Variants in NTM observed in about 807,000 individuals in gnomAD.
NTM encodes IgLON family member 2.
In NTM, 13 loss-of-function variants were observed where a neutral mutation model predicts 42.1. The ratio of observed to expected loss-of-function variants is 0.31; its 90% CI spans 0.20 to 0.49. The LOEUF is 0.49. Ranked by LOEUF, NTM falls within the 20% of genes least tolerant of loss-of-function variation. NTM has a pLI of 0.99. For missense variants in NTM, 373 were observed against 452.8 expected (o/e 0.82, Z 1.60); for synonymous variants, 187 against 179.2 (o/e 1.04, Z -0.35).
intron 1 of NTM, among the ~76,000 whole-genome samples, chr11:131,648,258 T>C (rs191764882): frequency 2.2e-4 from 34 of 152,352 alleles, no homozygotes; most frequent in Non-Finnish European, 4.1e-4. Flanking sequence ...CAGTCCACCA[T>C]TGATTCCATG....
intron 2 of NTM, among the ~76,000 whole-genome samples, chr11:132,036,159 G>T (rs755442148): frequency 6.6e-5 from 10 of 152,120 alleles, no homozygotes; most frequent in Non-Finnish European, 1.5e-4. Flanking sequence ...TCTGCATGGC[G>T]TGTTAAATGG....
chr11:131,599,532 A>G (rs958867120), intron 1 of NTM, among the ~76,000 whole-genome samples: 2 of 152,238 alleles, frequency 1.3e-5, no homozygotes, highest in Non-Finnish European at 2.9e-5. Context: ...CAGCTGCTTT[A>G]GAGAGAAACA....
chr11:132,065,157 C>T (rs1476926810), intron 2 of NTM, among the ~76,000 whole-genome samples: 1 of 152,182 alleles, frequency 6.6e-6, no homozygotes, highest in Non-Finnish European at 1.5e-5. Context: ...GCTTTGTAAA[C>T]ATTGCATGCA....
intron 1 of NTM, among the ~76,000 whole-genome samples, chr11:131,614,588 C>T (rs542277400): frequency 2.8e-4 from 42 of 152,330 alleles, no homozygotes; most frequent in African/African-American, 9.9e-4. Flanking sequence ...CAGAGCTAGT[C>T]TGCAGCTCTT....
intron 1 of NTM, among the ~76,000 whole-genome samples, chr11:131,804,483 C>T (rs1174215802): frequency 6.6e-6 from 1 of 152,110 alleles, no homozygotes; most frequent in East Asian, 1.9e-4. Flanking sequence ...CCTGAACATC[C>T]ACACTCAGTG....
At chr11:132,026,138 T>C (rs2075141720) in intron 2 of NTM, among the ~76,000 whole-genome samples, 1 of 152,254 alleles carries the variant, frequency 6.6e-6, no homozygotes, top group Non-Finnish European at 1.5e-5. Context: ...TTATGATGAA[T>C]GCGGTGCATT....
At chr11:131,894,770 C>T (rs563154842) in intron 1 of NTM, among the ~76,000 whole-genome samples, 37 of 152,202 alleles carry the variant, frequency 2.4e-4, no homozygotes, top group South Asian at 6.2e-4. Flanking sequence ...TTTCCTGATG[C>T]ATTTTTCATC....
chr11:132,090,660 C>T (rs1011231822), intron 2 of NTM, among the ~76,000 whole-genome samples: 4 of 151,738 alleles, frequency 2.6e-5, no homozygotes, highest in African/African-American at 9.7e-5. Flanking sequence ...TACTTTTCCT[C>T]AATCCCTTAG....
At chr11:131,902,957 A>C (rs149666979) in intron 1 of NTM, among the ~76,000 whole-genome samples, 1 of 152,358 alleles carries the variant, frequency 6.6e-6, no homozygotes. Context: ...CATATGCCTA[A>C]ATGGCTTATC....
At chr11:131,883,589 C>T (rs1162609732) in intron 1 of NTM, among the ~76,000 whole-genome samples, 3 of 152,192 alleles carry the variant, frequency 2.0e-5, no homozygotes, top group Non-Finnish European at 4.4e-5. Context: ...CTTTTTGCGA[C>T]ACAACTAATT....
intron 1 of NTM, chr11:131,769,675 G>T (rs1044766957): frequency 1.7e-6 from 1 of 605,500 alleles, no homozygotes; most frequent in African/African-American, 2.0e-5. Flanking sequence ...GCAACCGGGA[G>T]ATTCAGAGCA....
At chr11:132,247,537 A>C (rs1443713547) in intron 4 of NTM, among the ~76,000 whole-genome samples, 7 of 152,194 alleles carry the variant, frequency 4.6e-5, no homozygotes, top group Admixed American at 4.6e-4. Flanking sequence ...GGGTGAATAA[A>C]TGAATAAGAA....
At chr11:131,475,507 G>A (rs74373312) in intron 1 of NTM, among the ~76,000 whole-genome samples, 49 of 151,924 alleles carry the variant, frequency 3.2e-4, no homozygotes, top group African/African-American at 1.2e-3. Flanking sequence ...AGGAGGAGGA[G>A]GATTGAAATG....
At chr11:131,424,236 G>C (rs984998855) in intron 1 of NTM, among the ~76,000 whole-genome samples, 19 of 152,132 alleles carry the variant, frequency 1.2e-4, no homozygotes, top group Non-Finnish European at 2.8e-4. Flanking sequence ...GGAAAAAAAA[G>C]AAAGAAAATA....
intron 2 of NTM, among the ~76,000 whole-genome samples, chr11:131,977,384 A>C (rs1046238563): frequency 3.9e-5 from 6 of 152,204 alleles, no homozygotes; most frequent in Non-Finnish European, 8.8e-5. Flanking sequence ...ATGCAAGGCT[A>C]TTCTGCCCAT....
intron 3 of NTM, among the ~76,000 whole-genome samples, chr11:132,170,393 A>C (rs534388729): frequency 7.9e-5 from 12 of 152,318 alleles, no homozygotes; most frequent in Non-Finnish European, 1.5e-4. Context: ...TGAGCAACTA[A>C]CTACCTATTC....
At chr11:131,468,030 G>A (rs574058713) in intron 1 of NTM, among the ~76,000 whole-genome samples, 5 of 152,212 alleles carry the variant, frequency 3.3e-5, no homozygotes, top group African/African-American at 4.8e-5. Flanking sequence ...GACAGCTCCC[G>A]AAGAGTGCAG....
chr11:131,604,822 A>G (rs1489151943), intron 1 of NTM, among the ~76,000 whole-genome samples: 2 of 151,444 alleles, frequency 1.3e-5, no homozygotes, highest in African/African-American at 2.4e-5. Flanking sequence ...TCTTTCTCCC[A>G]TTGAATTTTC....
At chr11:132,079,929 T>A (rs2136268005) in intron 2 of NTM, among the ~76,000 whole-genome samples, 2 of 152,324 alleles carry the variant, frequency 1.3e-5, no homozygotes, top group East Asian at 1.9e-4. Flanking sequence ...CCATCTCTTG[T>A]AATTCTGTAG....
Sources: gnomAD v4.1 joint callset for allele counts (sites outside exome capture counted in the v4.1 genomes callset) on GRCh38, gnomAD v4.1.1 for gene constraint, MANE v1.5 for transcripts, NCBI Gene and HGNC (gene_info 2026-07-23, HGNC 2026-07-21) for gene names.